N4BP2L2: variants seen among roughly 807,000 people sequenced by gnomAD.
N4BP2L2 encodes the protein NEDD4 binding protein 2 like 2, also known as NEDD4-binding protein 2-like 2.
N4BP2L2 carries 50 observed loss-of-function variants against 56.2 expected under a neutral mutation model. The ratio of observed to expected loss-of-function variants is 0.89; its 90% CI spans 0.71 to 1.13. The LOEUF (loss-of-function observed/expected upper bound fraction) is 1.13, where lower values mean the gene tolerates loss of function less well. N4BP2L2 is among the 50% of genes most tolerant of loss of function. The probability of loss-of-function intolerance (pLI) is 0.00; values close to 1 mark genes in which losing one functional copy is unlikely to be tolerated. For synonymous variants in N4BP2L2, 203 were observed against 223.6 expected (o/e 0.91, Z 0.82); for missense variants, 689 against 693.8 (o/e 0.99, Z 0.08).
At chr13:32,502,571 A>T (rs986302183) in intron 6 of N4BP2L2, among the ~76,000 whole-genome samples, 1 of 152,222 alleles carries the variant, frequency 6.6e-6, no homozygotes, top group Non-Finnish European at 1.5e-5. Context: ...ATAACTCTAC[A>T]TTGTAGATTA....
chr13:32,504,713 C>G (rs148526895), intron 6 of N4BP2L2: 2 of 152,188 alleles, frequency 1.3e-5, no homozygotes, highest in Non-Finnish European at 2.9e-5. Flanking sequence ...AGTATCAACT[C>G]TAAGCCCCAA....
At chr13:32,513,937 A>G (rs1441539922) in exon 6 of N4BP2L2, 1 of 152,204 alleles carries the variant, frequency 6.6e-6, no homozygotes, top group Non-Finnish European at 1.5e-5. Flanking sequence ...AATAGTTAGA[A>G]AACCAGTCTC....
rs1264222174 is a variant in N4BP2L2, at chr13:32,443,079, TTTC to T, written c.1410_1412del (p.Lys471del). 2.5e-6 allele frequency: 4 copies of T among 1,606,332 alleles called. No homozygotes were observed. In the Admixed American group the frequency reaches 6.9e-5, roughly 28 times the overall value. On this transcript the variant is annotated inframe_deletion, in exon 7 of 10. Transcript: ENST00000357505. ...AATTGAAAATCCTTTTCTTCCTCCT[TTTC>T]TTATTTTTTGTTGATTCTAAGGCAT...
At chr13:32,446,311 TAA>T in intron 6 of N4BP2L2, 2 of 1,273,968 alleles carry the variant, frequency 1.6e-6, no homozygotes, top group Non-Finnish European at 2.1e-6. Context: ...GGATATTGAG[TAA>T]AGAGTGCTAT....
chr13:32,527,675 T>C (rs2053446435), intron 2 of N4BP2L2, 143 bp from the exon 3 acceptor site: 1 of 884,034 alleles, frequency 1.1e-6, no homozygotes, highest in Non-Finnish European at 1.7e-6. Flanking sequence ...CCTGAAAGTA[T>C]ATCACGAACA....
chr13:32,439,823 C>A (rs1343674908), intron 7 of N4BP2L2, among the ~76,000 whole-genome samples: 1 of 139,362 alleles, frequency 7.2e-6, no homozygotes, highest in Non-Finnish European at 1.5e-5. Context: ...CCAGCTCGGC[C>A]AGGATGGTGA....
At chr13:32,438,060 T>C (rs2075729190) in intron 8 of N4BP2L2, among the ~76,000 whole-genome samples, 1 of 152,268 alleles carries the variant, frequency 6.6e-6, no homozygotes, top group East Asian at 1.9e-4. Flanking sequence ...GTGTACATTG[T>C]GTAATGATCA....
At chr13:32,494,264 C>T (rs2087925560) in intron 6 of N4BP2L2, among the ~76,000 whole-genome samples, 1 of 151,762 alleles carries the variant, frequency 6.6e-6, no homozygotes, top group Non-Finnish European at 1.5e-5. Flanking sequence ...ACCTGGGCAA[C>T]AGAGTGAGAC....
At chr13:32,502,590 T>C (rs1167102074) in intron 6 of N4BP2L2, among the ~76,000 whole-genome samples, 1 of 152,252 alleles carries the variant, frequency 6.6e-6, no homozygotes, top group African/African-American at 2.4e-5. Context: ...TAAAAAGGCA[T>C]AATCATTTAA....
chr13:32,469,228 A>G (rs2138881741), intron 6 of N4BP2L2, among the ~76,000 whole-genome samples: 1 of 151,958 alleles, frequency 6.6e-6, no homozygotes, highest in South Asian at 2.1e-4. Flanking sequence ...AGCCCACAAG[A>G]CTCCCAGGTC....
chr13:32,517,115 TC>T (rs1427709945), exon 6 of N4BP2L2: 10 of 983,654 alleles, frequency 1.0e-5, no homozygotes, highest in Non-Finnish European at 1.2e-5. Context: ...AATCACTTTA[TC>T]CCTTCAAGAA....
chr13:32,491,216 T>C (rs942384975), intron 6 of N4BP2L2, among the ~76,000 whole-genome samples: 1 of 152,258 alleles, frequency 6.6e-6, no homozygotes, highest in African/African-American at 2.4e-5. Context: ...TGCATGGTTA[T>C]TGCAATGTTT....
At chr13:32,440,025 CA>C (rs71071042) in intron 7 of N4BP2L2, among the ~76,000 whole-genome samples, 40,727 of 103,630 alleles carry the variant, frequency 0.39, 6,661 homozygotes, top group African/African-American at 0.56. Flanking sequence ...GACTCCGTCT[CA>C]AAAAAAAAAA....
At chr13:32,438,993 C>G (rs1257700422) in intron 7 of N4BP2L2, among the ~76,000 whole-genome samples, 1 of 152,270 alleles carries the variant, frequency 6.6e-6, no homozygotes, top group African/African-American at 2.4e-5. Context: ...CTCGTCCAAT[C>G]TAGCCAAACA....
intron 5 of N4BP2L2, among the ~76,000 whole-genome samples, chr13:32,518,521 T>C (rs2049831641): frequency 6.6e-6 from 1 of 152,166 alleles, no homozygotes; most frequent in Non-Finnish European, 1.5e-5. Context: ...ATATAAACTG[T>C]AGGATTCCAT....
intron 6 of N4BP2L2, among the ~76,000 whole-genome samples, chr13:32,489,780 A>T (rs1282909067): frequency 6.6e-6 from 1 of 151,090 alleles, no homozygotes; most frequent in African/African-American, 2.5e-5. Context: ...AAAAAAAAAA[A>T]ACTTGCAGTT....
At chr13:32,434,248 C>CTTTTT (rs369328452) in intron 9 of N4BP2L2, among the ~76,000 whole-genome samples, 35 of 112,016 alleles carry the variant, frequency 3.1e-4, no homozygotes, top group South Asian at 6.7e-4. Flanking sequence ...AGCTAATTTT[C>CTTTTT]TTTTTTTCTT....
chr13:32,536,088 G>C, exon 2 of N4BP2L2: 2 of 1,613,950 alleles, frequency 1.2e-6, no homozygotes, highest in Non-Finnish European at 1.7e-6. Flanking sequence ...TATCCATTTT[G>C]TATCTGAGAG....
In N4BP2L2 at chr13:32,438,643, C is replaced by T. The variant is rs1322050143; in HGVS notation, c.2190+9G>A. The stretch of plus-strand genomic sequence containing the variant: ...AAATACATACACACACACACACACA[C>T]ATATATACCTCCACTGACATCTTCC... On this transcript the variant is annotated intron_variant, in intron 8 of 9. Transcript: ENST00000357505. 102 of 1,535,524 alleles carry T rather than the reference C, an allele frequency of 6.6e-5. No homozygotes were observed. The highest frequency in any genetic ancestry group is 7.5e-5 in the Non-Finnish European group (84 of 1,114,774).
Sources: allele counts gnomAD v4.1 joint callset (sites outside exome capture counted in the v4.1 genomes callset), GRCh38; gene constraint gnomAD v4.1.1; transcripts MANE v1.5; gene names NCBI Gene and HGNC (gene_info 2026-07-23, HGNC 2026-07-21).